KLHL3: variants seen among roughly 807,000 people sequenced by gnomAD.
KLHL3 encodes the protein kelch-like protein 3.
Under a neutral mutation model 70.5 loss-of-function variants are expected in KLHL3, and 19 were observed. That is an observed-to-expected ratio of 0.27 (90% CI 0.19 to 0.40). The LOEUF (loss-of-function observed/expected upper bound fraction) is 0.40. Ranked by LOEUF, KLHL3 falls within the 10% of genes least tolerant of loss-of-function variation. The probability of loss-of-function intolerance (pLI) is 1.00; values close to 1 mark genes in which losing one functional copy is unlikely to be tolerated. For missense variants in KLHL3, 512 were observed against 771.1 expected (o/e 0.66, Z 3.98); for synonymous variants, 258 against 290.3 (o/e 0.89, Z 1.13).
chr5:137,658,622 T>C (rs1219503668), intron 7 of KLHL3, among the ~76,000 whole-genome samples: 1 of 152,186 alleles, frequency 6.6e-6, no homozygotes, highest in Non-Finnish European at 1.5e-5. Flanking sequence ...CAAGTAGCCA[T>C]CCTGAAAGCC....
At chr5:137,647,686 A>G (rs1328955303) in intron 8 of KLHL3, 2 of 435,334 alleles carry the variant, frequency 4.6e-6, no homozygotes, top group South Asian at 3.3e-5. Flanking sequence ...GTCGAGGTCG[A>G]GCCAGAAGAC....
intron 2 of KLHL3, among the ~76,000 whole-genome samples, chr5:137,711,164 G>A (rs1049318408): frequency 2.0e-5 from 3 of 152,200 alleles, no homozygotes; most frequent in African/African-American, 4.8e-5. Flanking sequence ...CATGGTTGAC[G>A]GATGGAAGAA....
intron 1 of KLHL3, among the ~76,000 whole-genome samples, chr5:137,735,256 A>C (rs1426977262): frequency 2.6e-5 from 4 of 152,142 alleles, no homozygotes; most frequent in Non-Finnish European, 5.9e-5. Context: ...ACCCCCCACC[A>C]AAGAAAAAAC....
At chr5:137,729,109 A>C (rs1753131344) in intron 1 of KLHL3, among the ~76,000 whole-genome samples, 1 of 152,170 alleles carries the variant, frequency 6.6e-6, no homozygotes, top group South Asian at 2.1e-4. Context: ...TTCACCTCTA[A>C]AGGTCTCCAA....
chr5:137,659,568 A>G (rs1262380257), intron 7 of KLHL3, among the ~76,000 whole-genome samples: 1 of 152,154 alleles, frequency 6.6e-6, no homozygotes, highest in African/African-American at 2.4e-5. Flanking sequence ...ATAAACTTCT[A>G]GGGTCAATTA....
chr5:137,625,924 A>T, intron 13 of KLHL3, 28 bp from the exon 14 acceptor site: 1 of 1,613,904 alleles, frequency 6.2e-7, no homozygotes, highest in Non-Finnish European at 8.5e-7. Flanking sequence ...GCCATGGGAG[A>T]CATCACAGCA....
intron 5 of KLHL3, among the ~76,000 whole-genome samples, chr5:137,690,739 T>C (rs1014087859): frequency 6.6e-6 from 1 of 151,926 alleles, no homozygotes; most frequent in Non-Finnish European, 1.5e-5. Flanking sequence ...ATGGAGCAAA[T>C]GCTTGTTGCT....
intron 5 of KLHL3, among the ~76,000 whole-genome samples, chr5:137,683,804 GCA>G (rs754512601): frequency 5.4e-5 from 8 of 147,012 alleles, no homozygotes; most frequent in Non-Finnish European, 9.0e-5. Context: ...ACATGCACGC[GCA>G]CACACACACA....
At chr5:137,728,894 G>A (rs541942815) in intron 1 of KLHL3, among the ~76,000 whole-genome samples, 56 of 151,520 alleles carry the variant, frequency 3.7e-4, no homozygotes, top group Non-Finnish European at 6.3e-4. Context: ...GTGATGACAG[G>A]TACTAATCTG....
At chr5:137,733,310 A>G (rs1298646842) in intron 1 of KLHL3, among the ~76,000 whole-genome samples, 1 of 152,198 alleles carries the variant, frequency 6.6e-6, no homozygotes, top group Non-Finnish European at 1.5e-5. Flanking sequence ...AGATGAGGCT[A>G]TTGGCCAAAG....
chr5:137,682,827 T>C (rs1234942554), intron 5 of KLHL3, among the ~76,000 whole-genome samples: 1 of 152,226 alleles, frequency 6.6e-6, no homozygotes, highest in African/African-American at 2.4e-5. Flanking sequence ...TTCCTGACTG[T>C]TCTTCAAGAC....
At chr5:137,723,362 C>T (rs2149936600) in intron 1 of KLHL3, among the ~76,000 whole-genome samples, 1 of 152,180 alleles carries the variant, frequency 6.6e-6, no homozygotes, top group Middle Eastern at 3.4e-3. Flanking sequence ...GATACTATGC[C>T]CTCCTATCCA....
chr5:137,663,499 A>G (rs528447910), intron 6 of KLHL3, among the ~76,000 whole-genome samples: 1 of 151,346 alleles, frequency 6.6e-6, no homozygotes, highest in Non-Finnish European at 1.5e-5. Context: ...TACTTTAAAT[A>G]CTTTAAATAT....
chr5:137,709,887 GT>G (rs776975814), intron 2 of KLHL3, 31 bp from the exon 3 acceptor site: 1 of 1,564,842 alleles, frequency 6.4e-7, no homozygotes, highest in Non-Finnish European at 8.8e-7. Flanking sequence ...GACAGGATGG[GT>G]TGCAGCAAGG....
intron 1 of KLHL3, among the ~76,000 whole-genome samples, chr5:137,731,815 G>GTCTGCC (rs1753178499): frequency 6.6e-6 from 1 of 152,164 alleles, no homozygotes; most frequent in Non-Finnish European, 1.5e-5. Context: ...AACTCTTGCA[G>GTCTGCC]ATCTGCCACA....
At chr5:137,667,349 A>C (rs190341629) in intron 6 of KLHL3, among the ~76,000 whole-genome samples, 2 of 152,356 alleles carry the variant, frequency 1.3e-5, no homozygotes, top group Admixed American at 1.3e-4. Flanking sequence ...TTTGTGATGA[A>C]ATAATCAGCT....
chr5:137,716,112 A>G (rs1299909724), intron 2 of KLHL3, among the ~76,000 whole-genome samples: 1 of 152,266 alleles, frequency 6.6e-6, no homozygotes, highest in East Asian at 1.9e-4. Flanking sequence ...TCTTTAAAAA[A>G]TAACTCAAAA....
At chr5:137,702,980 G>C (rs1238027795) in intron 3 of KLHL3, among the ~76,000 whole-genome samples, 1 of 152,210 alleles carries the variant, frequency 6.6e-6, no homozygotes, top group African/African-American at 2.4e-5. Flanking sequence ...GGATGGACTG[G>C]AGGAGGGAAA....
chr5:137,656,459 GA>G (rs2149895080), intron 8 of KLHL3, among the ~76,000 whole-genome samples: 1 of 152,286 alleles, frequency 6.6e-6, no homozygotes, highest in Non-Finnish European at 1.5e-5. Flanking sequence ...ATGTCTGAAA[GA>G]AAATTTTCCA....
Sources: allele counts gnomAD v4.1 joint callset (sites outside exome capture counted in the v4.1 genomes callset), GRCh38; gene constraint gnomAD v4.1.1; transcripts MANE v1.5; gene names NCBI Gene and HGNC (gene_info 2026-07-23, HGNC 2026-07-21).